Variants in SH3KBP1 observed in about 807,000 individuals in gnomAD.
The protein encoded by SH3KBP1 is SH3 domain-containing kinase-binding protein 1.
SH3KBP1 carries 8 observed loss-of-function variants against 50.1 expected under a neutral mutation model. The observed-to-expected ratio is 0.16, with a 90% CI of 0.09 to 0.29. The LOEUF (loss-of-function observed/expected upper bound fraction) is 0.29. Ranked by LOEUF, SH3KBP1 falls within the 10% of genes least tolerant of loss-of-function variation. The probability of loss-of-function intolerance (pLI) is 1.00; values close to 1 mark genes in which losing one functional copy is unlikely to be tolerated. For missense variants in SH3KBP1, 377 were observed against 535.2 expected, an observed-to-expected ratio of 0.70 and a Z score of 2.92; for synonymous variants, 227 against 218.6, an observed-to-expected ratio of 1.04 and a Z score of -0.34.
chrX:19,553,842 A>G (rs1319730320), intron 13 of SH3KBP1, among the ~76,000 whole-genome samples: 1 of 88,138 alleles, frequency 1.1e-5, no homozygotes, highest in Non-Finnish European at 2.1e-5. Context: ...CTTAATGCAT[A>G]TATATATATT....
intron 2 of SH3KBP1, among the ~76,000 whole-genome samples, chrX:19,804,882 A>ACCCCCCCCCCCCCCCC (rs1171123464): frequency 5.8e-5 from 1 of 17,378 alleles, no homozygotes; most frequent in Non-Finnish European, 9.6e-5. Flanking sequence ...CCCAAACCCT[A>ACCCCCCCCCCCCCCCC]CCCCCCCCCC....
At chrX:19,597,355 G>A (rs958672348) in intron 9 of SH3KBP1, among the ~76,000 whole-genome samples, 4 of 112,184 alleles carry the variant, frequency 3.6e-5, no homozygotes, top group Admixed American at 9.4e-5. Context: ...AAACAGATGT[G>A]CTATCATCTA....
intron 3 of SH3KBP1, among the ~76,000 whole-genome samples, chrX:19,714,435 C>T (rs2063853100): frequency 9.0e-6 from 1 of 110,766 alleles, no homozygotes; most frequent in African/African-American, 3.3e-5. Context: ...ACTGCATTCC[C>T]GTATCAAAAT....
At chrX:19,792,412 T>C (rs1438835916) in intron 2 of SH3KBP1, among the ~76,000 whole-genome samples, 1 of 111,591 alleles carries the variant, frequency 9.0e-6, no homozygotes, top group Admixed American at 9.5e-5. Flanking sequence ...TTTTGGCTGA[T>C]CTCTATTCTA....
intron 2 of SH3KBP1, among the ~76,000 whole-genome samples, chrX:19,797,617 T>C (rs1315847367): frequency 9.0e-6 from 1 of 111,685 alleles, no homozygotes; most frequent in Non-Finnish European, 1.9e-5. Flanking sequence ...CAAAACAAAC[T>C]GTCCTGATGA....
At chrX:19,544,178 T>C (rs1373836897) in intron 15 of SH3KBP1, among the ~76,000 whole-genome samples, 1 of 110,558 alleles carries the variant, frequency 9.0e-6, no homozygotes, top group South Asian at 3.8e-4. Context: ...CTGCTCGCCT[T>C]TTTTCTGCCA....
At chrX:19,724,044 GAAAGGTGC>G (rs1328160167) in intron 3 of SH3KBP1, among the ~76,000 whole-genome samples, 3 of 111,919 alleles carry the variant, frequency 2.7e-5, no homozygotes, top group Non-Finnish European at 5.6e-5. Flanking sequence ...GTAAATACAG[GAAAGGTGC>G]AAAGGTGTAT....
intron 1 of SH3KBP1, among the ~76,000 whole-genome samples, chrX:19,885,812 G>A (rs1302060011): frequency 2.7e-5 from 3 of 111,281 alleles, no homozygotes; most frequent in African/African-American, 9.8e-5. Context: ...ATGGGCCAAA[G>A]CAAAACAAGA....
intron 6 of SH3KBP1, among the ~76,000 whole-genome samples, chrX:19,647,269 C>T (rs771079202): frequency 6.5e-5 from 7 of 107,823 alleles, no homozygotes; most frequent in Non-Finnish European, 1.3e-4. Flanking sequence ...ACTTTGTTTG[C>T]TTCCCTGAAA....
chrX:19,812,234 G>A (rs1286923066), intron 2 of SH3KBP1, among the ~76,000 whole-genome samples: 2 of 111,354 alleles, frequency 1.8e-5, no homozygotes, highest in Admixed American at 9.5e-5. Context: ...ACAGCTAAGA[G>A]CAAAAACGGG....
At chrX:19,579,145 T>G (rs1329413753) in intron 12 of SH3KBP1, among the ~76,000 whole-genome samples, 2 of 111,914 alleles carry the variant, frequency 1.8e-5, no homozygotes, top group Non-Finnish European at 3.8e-5. Flanking sequence ...GCTGGGCTAT[T>G]TATAGATGGT....
At chrX:19,747,811 C>A in intron 2 of SH3KBP1, 1 of 303,176 alleles carries the variant, frequency 3.3e-6, no homozygotes, top group Non-Finnish European at 6.6e-6. Flanking sequence ...CCTAACTAGG[C>A]GAAGCTCAGC....
Position 19,645,445 on chromosome X carries a change from C to T in SH3KBP1, c.757G>A (p.Ala253Thr), listed in dbSNP as rs1176513144. ...TIGKKLPATT[A>T]TPDSSKTEMD... ...TCTGTTTTTGATGAGTCTGGAGTTG[C>T]TGTAGTTGCAGGTAACTTCTTCCCA... is the stretch of plus-strand genomic sequence containing the variant. The change falls in exon 7 of 18, where the codon GCA (alanine) becomes ACA (threonine). Residue 253 changes from alanine to threonine, a missense_variant. Ala to Thr is a moderately conservative substitution (Grantham distance 58). Transcript: ENST00000397821. 2.5e-6 allele frequency: 3 copies of T among 1,205,381 alleles called. No homozygotes were observed. Among genetic ancestry groups the T allele is most frequent in the Non-Finnish European group, 3.4e-6 (3 of 889,892 alleles).
At chrX:19,548,100 G>A (rs2065134121) in intron 14 of SH3KBP1, among the ~76,000 whole-genome samples, 1 of 112,429 alleles carries the variant, frequency 8.9e-6, no homozygotes, top group African/African-American at 3.2e-5. Context: ...CTGGCACAGT[G>A]CCGAGCCCAT....
chrX:19,788,308 G>A (rs187437428), intron 2 of SH3KBP1, among the ~76,000 whole-genome samples: 13 of 96,388 alleles, frequency 1.3e-4, no homozygotes, highest in African/African-American at 5.4e-4. Context: ...ACACAAAAAT[G>A]AAGAACTTTG....
chrX:19,881,969 A>G (rs943670560), intron 1 of SH3KBP1, among the ~76,000 whole-genome samples: 1 of 111,533 alleles, frequency 9.0e-6, no homozygotes. Context: ...CTAGAACACA[A>G]TCAAGGCAGT....
intron 6 of SH3KBP1, among the ~76,000 whole-genome samples, chrX:19,652,228 T>C (rs192466824): frequency 9.0e-6 from 1 of 111,572 alleles, no homozygotes; most frequent in East Asian, 2.8e-4. Flanking sequence ...TTCCGGGGCC[T>C]CGGTTGCCCT....
chrX:19,757,898 A>G (rs1301810665), intron 2 of SH3KBP1, among the ~76,000 whole-genome samples: 2 of 111,929 alleles, frequency 1.8e-5, no homozygotes, highest in African/African-American at 6.5e-5. Flanking sequence ...GTATGCTAAC[A>G]TACACAAAAG....
chrX:19,589,659 C>T (rs1255205584), intron 11 of SH3KBP1, among the ~76,000 whole-genome samples: 2 of 110,759 alleles, frequency 1.8e-5, no homozygotes, highest in Non-Finnish European at 3.8e-5. Flanking sequence ...AAAAAGCATA[C>T]ATCCACATTC....
Sources: gnomAD v4.1 joint callset for allele counts (sites outside exome capture counted in the v4.1 genomes callset) on GRCh38, gnomAD v4.1.1 for gene constraint, MANE v1.5 for transcripts, NCBI Gene and HGNC (gene_info 2026-07-23, HGNC 2026-07-21) for gene names.